Variants in CHST15 observed in about 807,000 individuals in gnomAD.
CHST15 encodes B cell RAG associated protein (GALNAC4S-6ST).
A neutral mutation model predicts 53.6 loss-of-function variants in CHST15; 30 were observed. The ratio of observed to expected loss-of-function variants is 0.56; its 90% CI spans 0.42 to 0.76. The LOEUF (loss-of-function observed/expected upper bound fraction) is 0.76. Among genes scored for constraint, CHST15 ranks in the 30% least tolerant of loss-of-function variants. The pLI is 0.00. For synonymous variants in CHST15, 296 were observed against 289.8 expected (o/e 1.02, Z -0.22); for missense variants, 627 against 740.5 (o/e 0.85, Z 1.78).
chr10:124,058,282 G>A (rs759514752), intron 1 of CHST15, among the ~76,000 whole-genome samples: 15 of 152,212 alleles, frequency 9.9e-5, no homozygotes, highest in Non-Finnish European at 2.2e-4. Context: ...AGCAGCACAC[G>A]GAGTCAGTTT....
In CHST15 at chr10:124,074,867, C is replaced by T. The variant is rs931039001; in HGVS notation, c.-513+18602G>A. The stretch of plus-strand genomic sequence containing the variant: ...CCAGGGCTGACTTTCCTTTTGAATG[C>T]GGCTGTGCTAGGCAGTGGGGTGCAG... On this transcript the variant is annotated intron_variant, in intron 1 of 7. Transcript: ENST00000435907. This position sits in a 1 kb window ranked among gnomAD's most constrained non-coding sequence, Gnocchi z 4.4. 1.3e-5 allele frequency among the ~76,000 whole-genome samples: 2 copies of T among 152,236 alleles called. No individual in the cohort carries two copies. The highest frequency in any genetic ancestry group is 1.9e-4 in the East Asian group (1 of 5,192).
chr10:124,053,859 C>T lies in CHST15; in HGVS notation c.-512-7135G>A, dbSNP rs115161921. On this transcript the variant is annotated intron_variant, in intron 1 of 7. Transcript: ENST00000435907. Reference sequence around the variant, plus strand: ...CTTGAGCCTGGGGAGGTTGAGGCTACGGTGAGTTGTGATCACACCACTGCA... The same window carrying T: ...CTTGAGCCTGGGGAGGTTGAGGCTATGGTGAGTTGTGATCACACCACTGCA... 3.8e-3 allele frequency among the ~76,000 whole-genome samples: 577 copies of T among 152,024 alleles called. 2 individuals carry two copies. Among genetic ancestry groups the T allele is most frequent in the African/African-American group, 0.013 (557 of 41,464 alleles).
Position 124,023,905 on chromosome 10 carries a change from G to T in CHST15, c.1191-2493C>A, listed in dbSNP as rs375843510. On this transcript the variant is annotated intron_variant, in intron 5 of 7. Coordinates refer to ENST00000435907, the MANE Select transcript of CHST15 (RefSeq NM_001270764.2). ...GTTGCCCAGGTTGGAGTGGAATGGCGCAATCTCGGCTCACTGCAACCTCCG... is the reference window on the plus strand; with the variant it reads ...GTTGCCCAGGTTGGAGTGGAATGGCTCAATCTCGGCTCACTGCAACCTCCG... 3.4e-3 allele frequency among the ~76,000 whole-genome samples: 519 copies of T among 151,346 alleles called. 1 individual carries two copies. The highest frequency in any genetic ancestry group is 6.0e-3 in the Non-Finnish European group (408 of 67,924).
In CHST15 at chr10:124,044,653, G is replaced by T; in HGVS notation, c.813C>A (p.Asp271Glu). Reference protein sequence around the residue: ...QPKCGTTDLYDRLRLHPEVKF... With the variant: ...QPKCGTTDLYERLRLHPEVKF... ...TGACCTCAGGGTGCAGCCGCAGGCG[G>T]TCATAGAGGTCTGTGGTCCCGCACT... is the stretch of plus-strand genomic sequence containing the variant. The change falls in exon 3 of 8, where the codon GAC becomes GAA. Residue 271 changes from aspartate to glutamate, a missense_variant. By Grantham distance (45) the Asp-to-Glu change is conservative. This residue lies in a region of CHST15 where 161 missense variants were observed against 117.2 expected (regional missense o/e 1.37). Coordinates refer to ENST00000435907, the MANE Select transcript of CHST15 (RefSeq NM_001270764.2). 1 of 1,610,504 alleles carries T rather than the reference G, an allele frequency of 6.2e-7. No homozygotes were observed. Among genetic ancestry groups the T allele is most frequent in the Non-Finnish European group, 8.5e-7 (1 of 1,178,194 alleles).
Position 124,010,107 on chromosome 10 carries a change from A to G in CHST15, c.*42T>C. 2 of 1,611,956 alleles carry G rather than the reference A, an allele frequency of 1.2e-6. No homozygotes were observed. The highest frequency in any genetic ancestry group is 1.7e-6 in the Non-Finnish European group (2 of 1,179,908). On this transcript the variant is annotated 3_prime_UTR_variant, in exon 8 of 8. Transcript: ENST00000435907. ...AGAGATTTGTAAAATCCTGATGATG[A>G]CGGCATTGGCGGGCCCAGCACGTGC...
intron 1 of CHST15, among the ~76,000 whole-genome samples, chr10:124,060,481 C>CCCCCCAGGGGTGTGTGGAGGTGTGCCAGG (rs1383674012): frequency 1.4e-5 from 2 of 147,622 alleles, no homozygotes; most frequent in Non-Finnish European, 3.0e-5. Flanking sequence ...GGTGTGCCAG[C>CCCCCCAGGGGTGTGTGGAGGTGTGCCAGG]CCCCCAGGGG....
intron 5 of CHST15, among the ~76,000 whole-genome samples, chr10:124,035,359 TC>T (rs1947445750): frequency 7.0e-6 from 1 of 142,604 alleles, no homozygotes; most frequent in South Asian, 2.3e-4. Context: ...GGACCCTGGC[TC>T]CACTCCCTAA....
chr10:124,064,618 A>C (rs1948695073), intron 1 of CHST15, among the ~76,000 whole-genome samples: 1 of 151,970 alleles, frequency 6.6e-6, no homozygotes. Flanking sequence ...TGTACCTGGG[A>C]ACATTCAATC....
intron 1 of CHST15, among the ~76,000 whole-genome samples, chr10:124,059,582 C>T (rs942766680): frequency 6.6e-6 from 1 of 152,178 alleles, no homozygotes; most frequent in Non-Finnish European, 1.5e-5. Flanking sequence ...GGAAGATGCC[C>T]GGCCCAGATG....
chr10:124,023,652 AGGGTGAAACT>A (rs1946877320), intron 5 of CHST15, among the ~76,000 whole-genome samples: 2 of 151,912 alleles, frequency 1.3e-5, no homozygotes, highest in Non-Finnish European at 2.9e-5. Flanking sequence ...CTCTGGGCCA[AGGGTGAAACT>A]GGGCTTATGA....
intron 5 of CHST15, among the ~76,000 whole-genome samples, chr10:124,029,999 G>A (rs1189860216): frequency 1.3e-5 from 2 of 152,198 alleles, no homozygotes; most frequent in African/African-American, 2.4e-5. Flanking sequence ...GCTCGGAACC[G>A]TCCTTTCCAA....
intron 7 of CHST15, chr10:124,010,956 A>ACC (rs1353420982): frequency 1.0e-6 from 1 of 983,618 alleles, no homozygotes; most frequent in Non-Finnish European, 1.2e-6. Flanking sequence ...GCTGTCAGTC[A>ACC]CCCCCACGCC....
At chr10:124,010,449 G>A (rs927854757) in intron 7 of CHST15, 110 bp from the exon 8 acceptor site, 1 of 1,426,822 alleles carries the variant, frequency 7.0e-7, no homozygotes, top group Non-Finnish European at 9.2e-7. Context: ...TTTCCTTTAA[G>A]AGAACATATT....
At chr10:124,082,511 T>C (rs1392185977) in intron 1 of CHST15, among the ~76,000 whole-genome samples, 1 of 151,968 alleles carries the variant, frequency 6.6e-6, no homozygotes, top group East Asian at 1.9e-4. Context: ...AGGGAAAGAG[T>C]GTTGTTTAAA....
In CHST15 at chr10:124,007,962, G is replaced by A; in HGVS notation, c.*2187C>T. ...GCCGGGCCTCGAATGAGAGGAAGCA[G>A]AGGCAGCCGAAGTGCCCTCTGGAGA... On this transcript the variant is annotated 3_prime_UTR_variant, in exon 8 of 8. Transcript: ENST00000435907. 1 of 1,211,192 alleles carries A rather than the reference G, an allele frequency of 8.3e-7. No individual in the cohort carries two copies. Among genetic ancestry groups the A allele is most frequent in the Non-Finnish European group, 1.0e-6 (1 of 983,072 alleles). 75.0% of individuals were successfully genotyped at this position (1,211,192 alleles called of 1,614,324 possible). A position where few individuals can be genotyped will look rare whatever the true frequency, so the allele number is the denominator to read the frequency against.
intron 5 of CHST15, among the ~76,000 whole-genome samples, chr10:124,027,440 C>T (rs947431989): frequency 2.0e-5 from 3 of 152,230 alleles, no homozygotes; most frequent in African/African-American, 7.2e-5. Context: ...GGGACACTTA[C>T]AGCCAAGACC....
intron 1 of CHST15, among the ~76,000 whole-genome samples, chr10:124,048,556 C>T (rs1948080180): frequency 6.6e-6 from 1 of 152,200 alleles, no homozygotes; most frequent in African/African-American, 2.4e-5. Context: ...CTCAACCACC[C>T]CTGACCCATC....
intron 1 of CHST15, among the ~76,000 whole-genome samples, chr10:124,088,637 T>C (rs1385892282): frequency 6.6e-6 from 1 of 152,146 alleles, no homozygotes; most frequent in East Asian, 1.9e-4. Flanking sequence ...GCTGAGAGCT[T>C]GGTGTGTGTC....
chr10:124,033,812 C>T (rs949068016), intron 5 of CHST15, among the ~76,000 whole-genome samples: 1 of 152,178 alleles, frequency 6.6e-6, no homozygotes, highest in South Asian at 2.1e-4. Context: ...ATATTGACGA[C>T]CCCCAGCCTG....
Sources: allele counts gnomAD v4.1 joint callset (sites outside exome capture counted in the v4.1 genomes callset), GRCh38; gene constraint gnomAD v4.1.1; regional missense constraint gnomAD v4.1.1; non-coding constraint Gnocchi (gnomAD v3.1); transcripts MANE v1.5; gene names NCBI Gene and HGNC (gene_info 2026-07-23, HGNC 2026-07-21).